Variants in NAT8L observed in about 807,000 individuals in gnomAD.
The protein encoded by NAT8L is aspartate N-acetyltransferase, also known as N-acetylaspartate synthetase.
A neutral mutation model predicts 21.2 loss-of-function variants in NAT8L; 6 were observed. That is an observed-to-expected ratio of 0.28 (90% CI 0.16 to 0.56). NAT8L has a LOEUF of 0.56. NAT8L is among the 20% of genes least tolerant of loss of function. The probability of loss-of-function intolerance (pLI) is 0.93; values close to 1 mark genes in which losing one functional copy is unlikely to be tolerated. For synonymous variants in NAT8L, 239 were observed against 204.9 expected (o/e 1.17, Z -1.42); for missense variants, 331 against 433.3 (o/e 0.76, Z 2.10).
chr4:2,063,888 A>G lies in NAT8L; in HGVS notation c.670A>G (p.Ile224Val), dbSNP rs377116916. ...GGACTCACGTTTCCGAGGCAAGGGC[A>G]TCGCCAAGGCGCTGGGCCGGAAGGT... is the stretch of plus-strand genomic sequence containing the variant. Reference protein sequence around the residue: ...SVDSRFRGKGIAKALGRKVLE... With the variant: ...SVDSRFRGKGVAKALGRKVLE... Residue 224 changes from isoleucine to valine, a missense_variant, in exon 3 of 3, where the codon ATC (isoleucine) becomes GTC (valine). Around this residue, in one of 2 missense-constraint regions of NAT8L, gnomAD observed 132 missense variants for 237.1 expected, o/e 0.56. Transcript: ENST00000423729. 2.5e-6 allele frequency: 4 copies of G among 1,612,320 alleles called. No homozygotes were observed. The African/African-American group carries it at 5.3e-5, about 22-fold the overall frequency.
chr4:2,060,801 CGGTG>C lies in NAT8L; in HGVS notation c.377-194_377-191del. Among the ~76,000 whole-genome samples the C allele has an allele frequency of 6.6e-6, 1 of 150,566 alleles. No individual in the cohort carries two copies. The highest frequency in any genetic ancestry group is 1.5e-5 in the Non-Finnish European group (1 of 67,638). On this transcript the variant is annotated intron_variant, in intron 1 of 2. Coordinates refer to ENST00000423729, the MANE Select transcript of NAT8L (RefSeq NM_178557.4). This position sits in a 1 kb window ranked among gnomAD's most constrained non-coding sequence, Gnocchi z 4.7. Reference sequence around the variant, plus strand: ...GAGACCCGCCGAGGCTCATTCCAGGCGGTGGGGGTGGGTGGGGTGGCTGTCTTCA... The same window carrying C: ...GAGACCCGCCGAGGCTCATTCCAGGCGGGGTGGGTGGGGTGGCTGTCTTCA...
Position 2,059,710 on chromosome 4 carries a change from G to A in NAT8L, c.199G>A (p.Ala67Thr). Residue 67 changes from alanine (A) to threonine (T), a missense_variant, in exon 1 of 3, where the codon GCG becomes ACG. Ala to Thr is a moderately conservative substitution (Grantham distance 58). This residue lies in a region of NAT8L where 199 missense variants were observed against 196.1 expected (regional missense o/e 1.01). Transcript: ENST00000423729. The surrounding 1 kb of genome is among the most constrained non-coding windows in gnomAD (Gnocchi z 4.8). ...CCCGGTGGCTCAGCCTCACGGCGGG[G>A]CGGGGGGCGCGGGGCCGCCGGGGGG... is the stretch of plus-strand genomic sequence containing the variant. The part of the protein sequence containing the change: ...PAPVAQPHGG[A>T]GGAGPPGGRG... 1 of 1,106,602 alleles carries A rather than the reference G, an allele frequency of 9.0e-7. No individual in the cohort carries two copies. Among genetic ancestry groups the A allele is most frequent in the Non-Finnish European group, 1.1e-6 (1 of 910,994 alleles). 68.5% of individuals were successfully genotyped at this position (1,106,602 alleles called of 1,614,324 possible).
Position 2,059,519 on chromosome 4 carries a change from G to C in NAT8L, c.8G>C (p.Cys3Ser). The C allele has an allele frequency of 1.0e-6, 1 of 998,198 alleles. No individual in the cohort carries two copies. Among genetic ancestry groups the C allele is most frequent in the Non-Finnish European group, 1.2e-6 (1 of 838,598 alleles). 61.8% of individuals were successfully genotyped at this position (998,198 alleles called of 1,614,324 possible). The change falls in exon 1 of 3, where the codon TGT becomes TCT. Residue 3 changes from cysteine to serine, a missense_variant. Transcript: ENST00000423729. This position sits in a 1 kb window ranked among gnomAD's most constrained non-coding sequence, Gnocchi z 4.8. ...CGCCGCCCGGCCGGGTGCATGCATTGTGGGCCTCCCGACATGGTCTGCGAG... is the reference window on the plus strand; with the variant it reads ...CGCCGCCCGGCCGGGTGCATGCATTCTGGGCCTCCCGACATGGTCTGCGAG... MH[C>S]GPPDMVCETK...
chr4:2,059,460 T>C lies in NAT8L; in HGVS notation c.-52T>C. ...CGCGCCCTTGCCCTGGGCCCGGCCG[T>C]GCCCGCCGCCGCCCGGCCGCGTCCC... On this transcript the variant is annotated 5_prime_UTR_variant, in exon 1 of 3. Transcript: ENST00000423729. The surrounding 1 kb of genome is among the most constrained non-coding windows in gnomAD (Gnocchi z 4.8). 5 of 866,860 alleles carry C rather than the reference T, an allele frequency of 5.8e-6. No homozygotes were observed. Among genetic ancestry groups the C allele is most frequent in the Non-Finnish European group, 6.9e-6 (5 of 729,092 alleles). The allele number at this position is 866,860 out of a possible 1,614,324, so 53.7% of individuals were successfully genotyped here. A position where few individuals can be genotyped will look rare whatever the true frequency, so the allele number is the denominator to read the frequency against.
intron 2 of NAT8L, among the ~76,000 whole-genome samples, chr4:2,062,379 G>A (rs111878650): frequency 5.3e-5 from 8 of 152,228 alleles, no homozygotes; most frequent in African/African-American, 1.7e-4. Flanking sequence ...GGTAGGTAGA[G>A]GCAGAACCCC....
rs756851616 is a variant in NAT8L at position 2,064,098 on chromosome 4, C to T, written c.880C>T (p.Arg294Cys). The T allele has an allele frequency of 8.1e-6, 13 of 1,601,342 alleles. No individual in the cohort carries two copies. Among genetic ancestry groups the T allele is most frequent in the East Asian group, 2.2e-5 (1 of 44,646 alleles). Residue 294 changes from arginine (R) to cysteine (C), a missense_variant, in exon 3 of 3, where the codon CGC becomes TGC. Arg to Cys is a radical substitution (Grantham distance 180). This residue lies in a region of NAT8L where 132 missense variants were observed against 237.1 expected (regional missense o/e 0.56). Coordinates refer to ENST00000423729, the MANE Select transcript of NAT8L (RefSeq NM_178557.4). ...ERLFFQVRYH[R>C]YRLQLREE is the part of the protein sequence containing the mutation. ...CCTCTTCTTCCAGGTCCGCTACCACCGCTACCGCCTGCAGCTGCGCGAGGA... is the reference window on the plus strand; with the variant it reads ...CCTCTTCTTCCAGGTCCGCTACCACTGCTACCGCCTGCAGCTGCGCGAGGA...
In NAT8L at chr4:2,064,251, C is replaced by A; in HGVS notation, c.*124C>A. On this transcript the variant is annotated 3_prime_UTR_variant, in exon 3 of 3. Transcript: ENST00000423729. The stretch of plus-strand genomic sequence containing the variant: ...TTTGTGTTGGGTTTCCCCTTTTCAA[C>A]ATCCTGCGGTTGTCTGGCTGGTTCC... The A allele has an allele frequency of 1.6e-6, 1 of 615,410 alleles. No individual in the cohort carries two copies. Among genetic ancestry groups the A allele is most frequent in the Non-Finnish European group, 2.2e-6 (1 of 455,710 alleles). The allele number at this position is 615,410 out of a possible 1,614,324, so 38.1% of individuals were successfully genotyped here.
In NAT8L at chr4:2,066,696, C is replaced by CA. The variant is rs1730007729; in HGVS notation, c.*2570dup. On this transcript the variant is annotated 3_prime_UTR_variant, in exon 3 of 3. Transcript: ENST00000423729. ...GAAGCGCCCTCCTGGGCCCTGCTGT[C>CA]ACGTGGCTGGTGCGGCTTCCCCGAG... 6.5e-6 allele frequency: 1 copy of CA among 152,788 alleles called. No individual in the cohort carries two copies. Among genetic ancestry groups the CA allele is most frequent in the Non-Finnish European group, 1.5e-5 (1 of 68,322 alleles). 9.5% of individuals were successfully genotyped at this position (152,788 alleles called of 1,614,324 possible).
At chr4:2,061,549 C>T (rs1043676401) in intron 2 of NAT8L, among the ~76,000 whole-genome samples, 1 of 150,580 alleles carries the variant, frequency 6.6e-6, no homozygotes, top group South Asian at 2.1e-4. Context: ...TGGCAGGGGC[C>T]GGGGACCCTA....
Position 2,067,815 on chromosome 4 carries a change from T to G in NAT8L, c.*3688T>G, listed in dbSNP as rs1730034869. 1 of 152,316 alleles carries G rather than the reference T, an allele frequency of 6.6e-6. No homozygotes were observed. Among genetic ancestry groups the G allele is most frequent in the Admixed American group, 6.5e-5 (1 of 15,292 alleles). 9.4% of individuals were successfully genotyped at this position (152,316 alleles called of 1,614,324 possible). On this transcript the variant is annotated 3_prime_UTR_variant, in exon 3 of 3. Coordinates refer to ENST00000423729, the MANE Select transcript of NAT8L (RefSeq NM_178557.4). ...TGGCGCTGCAGTCGCGCACCCTGTG[T>G]TGCCTGCTGACTTGCTTATGTCTGT...
rs1177285009 is a variant in NAT8L, at chr4:2,066,459, C to A, written c.*2332C>A. The stretch of plus-strand genomic sequence containing the variant: ...AGGCTGGGGCGGAGCTGCCCGGAAC[C>A]CTTGCCAGGCCAATGTGTAGCTTGG... On this transcript the variant is annotated 3_prime_UTR_variant, in exon 3 of 3. Transcript: ENST00000423729. 6.6e-6 allele frequency: 1 copy of A among 152,186 alleles called. No homozygotes were observed. 9.4% of individuals were successfully genotyped at this position (152,186 alleles called of 1,614,324 possible).
Position 2,060,999 on chromosome 4 carries a change from G to A in NAT8L, c.378G>A (p.Ala126=). Residue 126 remains alanine (A), a splice_region_variant and synonymous_variant, in exon 2 of 3, where the codon GCG becomes GCA. Transcript: ENST00000423729. This position sits in a 1 kb window ranked among gnomAD's most constrained non-coding sequence, Gnocchi z 4.7. ...CTGACCCGCGCCCTCTGCCCCCAGCGCTGTGCTTCGCCGTGAGCCGCTCGC... is the reference window on the plus strand; with the variant it reads ...CTGACCCGCGCCCTCTGCCCCCAGCACTGTGCTTCGCCGTGAGCCGCTCGC... ...RAQLLYALLA[A]LCFAVSRSLL... 6.6e-7 allele frequency: 1 copy of A among 1,524,192 alleles called. No individual in the cohort carries two copies. Among genetic ancestry groups the A allele is most frequent in the African/African-American group, 1.4e-5 (1 of 72,510 alleles). The allele number at this position is 1,524,192 out of a possible 1,614,324, so 94.4% of individuals were successfully genotyped here.
rs1381403733 is a variant in NAT8L, at chr4:2,059,395, G to A, written c.-117G>A. 1.2e-5 allele frequency: 3 copies of A among 242,750 alleles called. No homozygotes were observed. The highest frequency in any genetic ancestry group is 1.9e-5 in the Non-Finnish European group (3 of 155,550). The allele number at this position is 242,750 out of a possible 1,614,324, so 15.0% of individuals were successfully genotyped here. On this transcript the variant is annotated 5_prime_UTR_variant, in exon 1 of 3. Transcript: ENST00000423729. This position sits in a 1 kb window ranked among gnomAD's most constrained non-coding sequence, Gnocchi z 4.8. ...CTGAGCTGCCGCCGCCGCCGCCGCC[G>A]CTGCCGCCGCCGCCGCCGCCGCCGC...
chr4:2,062,720 G>A (rs1202556673), intron 2 of NAT8L, among the ~76,000 whole-genome samples: 1 of 151,840 alleles, frequency 6.6e-6, no homozygotes, highest in Non-Finnish European at 1.5e-5. Context: ...CCTTCATGGA[G>A]CCAGCAGGCT....
chr4:2,061,460 C>T (rs922700900), intron 2 of NAT8L, among the ~76,000 whole-genome samples: 2 of 152,216 alleles, frequency 1.3e-5, no homozygotes, highest in African/African-American at 4.8e-5. Flanking sequence ...GGCCGCTGGG[C>T]TCTGTGGGTC....
chr4:2,068,270 A>G lies in NAT8L; in HGVS notation c.*4143A>G, dbSNP rs935487800. 2.0e-5 allele frequency: 3 copies of G among 152,178 alleles called. No individual in the cohort carries two copies. The highest frequency in any genetic ancestry group is 7.2e-5 in the African/African-American group (3 of 41,398). The allele number at this position is 152,178 out of a possible 1,614,324, so 9.4% of individuals were successfully genotyped here. A position where few individuals can be genotyped will look rare whatever the true frequency, so the allele number is the denominator to read the frequency against. ...TGTGTGTACACGTGTATAGGTGTAC[A>G]TGTGCATGAGTTGTGTACATGCGTG... is the stretch of plus-strand genomic sequence containing the variant. On this transcript the variant is annotated 3_prime_UTR_variant, in exon 3 of 3. Coordinates refer to ENST00000423729, the MANE Select transcript of NAT8L (RefSeq NM_178557.4).
In NAT8L at chr4:2,063,950, G is replaced by A. The variant is rs773367024; in HGVS notation, c.732G>A (p.Val244=). The change falls in exon 3 of 3, where the codon GTG becomes GTA. Residue 244 remains valine (V), a synonymous_variant. Transcript: ENST00000423729. ...CCGTGGTGCACAACTACTCCGCGGT[G>A]GTGCTGGGCACGACGGCCGTCAAGG... is the stretch of plus-strand genomic sequence containing the variant. ...EFAVVHNYSA[V]VLGTTAVKVA... is the part of the protein sequence containing the mutation. 2 of 1,611,818 alleles carry A rather than the reference G, an allele frequency of 1.2e-6. No individual in the cohort carries two copies. Among genetic ancestry groups the A allele is most frequent in the South Asian group, 1.1e-5 (1 of 91,042 alleles).
rs1047434435 is a variant in NAT8L, at chr4:2,061,183, T to C, written c.541+21T>C. Reference sequence around the variant, plus strand: ...GCCCGGTGAGTCCCGCTCCCGCCGCTCCCCGACCTCCGCCCCAGACAGCCC... The same window carrying C: ...GCCCGGTGAGTCCCGCTCCCGCCGCCCCCCGACCTCCGCCCCAGACAGCCC... On this transcript the variant is annotated intron_variant, in intron 2 of 2. Transcript: ENST00000423729. The C allele has an allele frequency of 1.9e-6, 3 of 1,609,772 alleles. No homozygotes were observed. In the Admixed American group the frequency reaches 5.0e-5, roughly 27 times the overall value.
rs1418070892 is a variant in NAT8L, at chr4:2,066,884, G to A, written c.*2757G>A. ...GTTTTTGGAGTGGGGGGCGTGGAAG[G>A]CGGGAGGGGCTGACAGTGCCTGGGG... On this transcript the variant is annotated 3_prime_UTR_variant, in exon 3 of 3. Transcript: ENST00000423729. The A allele has an allele frequency of 6.5e-6, 1 of 152,880 alleles. No individual in the cohort carries two copies. The highest frequency in any genetic ancestry group is 1.5e-5 in the Non-Finnish European group (1 of 68,602). 9.5% of individuals were successfully genotyped at this position (152,880 alleles called of 1,614,324 possible).
Sources: allele counts gnomAD v4.1 joint callset (sites outside exome capture counted in the v4.1 genomes callset), GRCh38; gene constraint gnomAD v4.1.1; regional missense constraint gnomAD v4.1.1; non-coding constraint Gnocchi (gnomAD v3.1); transcripts MANE v1.5; gene names NCBI Gene and HGNC (gene_info 2026-07-23, HGNC 2026-07-21).